Variants in GPC6 observed in about 807,000 individuals in gnomAD.
The protein encoded by GPC6 is glypican-6.
A neutral mutation model predicts 55.2 loss-of-function variants in GPC6; 14 were observed. The ratio of observed to expected loss-of-function variants is 0.25; its 90% CI spans 0.17 to 0.40. The LOEUF (loss-of-function observed/expected upper bound fraction) is 0.40, where lower values mean the gene tolerates loss of function less well. Among genes scored for constraint, GPC6 ranks in the 10% least tolerant of loss-of-function variants. GPC6 has a pLI of 1.00. For synonymous variants in GPC6, 278 were observed against 259.6 expected, an observed-to-expected ratio of 1.07 and a Z score of -0.68; for missense variants, 641 against 708.5, an observed-to-expected ratio of 0.90 and a Z score of 1.08.
intron 2 of GPC6, among the ~76,000 whole-genome samples, chr13:93,572,516 C>T (rs1255137314): frequency 6.6e-6 from 1 of 152,070 alleles, no homozygotes. Context: ...GGTATGACCC[C>T]GCAATCTGTG....
intron 1 of GPC6, among the ~76,000 whole-genome samples, chr13:93,323,463 TC>T (rs1490802218): frequency 1.3e-5 from 2 of 152,164 alleles, no homozygotes; most frequent in Non-Finnish European, 2.9e-5. Context: ...AACTTCCACC[TC>T]ATTTCTTCAT....
At chr13:93,592,871 A>G (rs1022606911) in intron 2 of GPC6, among the ~76,000 whole-genome samples, 4 of 151,960 alleles carry the variant, frequency 2.6e-5, no homozygotes, top group African/African-American at 9.7e-5. Context: ...CCTCCTACGA[A>G]ATGCTTATTA....
At chr13:93,386,096 G>A (rs200710045) in intron 1 of GPC6, among the ~76,000 whole-genome samples, 4 of 66,328 alleles carry the variant, frequency 6.0e-5, no homozygotes, top group Non-Finnish European at 1.1e-4. Context: ...TGACCACTTT[G>A]TTAAAAAAAA....
At chr13:93,822,017 CATATAT>C (rs770196171) in intron 2 of GPC6, among the ~76,000 whole-genome samples, 31 of 82,294 alleles carry the variant, frequency 3.8e-4, no homozygotes, top group Non-Finnish European at 3.9e-4. Flanking sequence ...TATGTATATA[CATATAT>C]ACATAATATG....
At chr13:93,333,972 T>A (rs1036051878) in intron 1 of GPC6, among the ~76,000 whole-genome samples, 5 of 152,226 alleles carry the variant, frequency 3.3e-5, no homozygotes, top group African/African-American at 1.2e-4. Context: ...TGTGTTTCTT[T>A]TCTAATACAT....
chr13:93,510,015 T>A (rs1352856287), intron 1 of GPC6, among the ~76,000 whole-genome samples: 4 of 152,200 alleles, frequency 2.6e-5, no homozygotes. Context: ...GGCATATTTT[T>A]GTTAATAAAC....
At chr13:93,503,494 C>T (rs1476347111) in intron 1 of GPC6, among the ~76,000 whole-genome samples, 5 of 152,116 alleles carry the variant, frequency 3.3e-5, no homozygotes, top group African/African-American at 1.2e-4. Context: ...GCTGGTGGGC[C>T]ACAGAAAACA....
At chr13:93,633,484 A>G (rs1251525077) in intron 2 of GPC6, among the ~76,000 whole-genome samples, 1 of 151,982 alleles carries the variant, frequency 6.6e-6, no homozygotes, top group African/African-American at 2.4e-5. Flanking sequence ...CGTCTCTACT[A>G]AAAATACAAA....
chr13:94,369,543 T>A (rs555259314), intron 6 of GPC6, among the ~76,000 whole-genome samples: 4 of 152,186 alleles, frequency 2.6e-5, no homozygotes, highest in Non-Finnish European at 5.9e-5. Context: ...TGTTGGAATG[T>A]GTTTATGAGG....
At chr13:94,103,107 A>G (rs568454513) in intron 4 of GPC6, among the ~76,000 whole-genome samples, 4 of 152,062 alleles carry the variant, frequency 2.6e-5, no homozygotes, top group African/African-American at 4.8e-5. Context: ...TCATTGTTCA[A>G]TTCCCACCTA....
At chr13:93,771,205 C>A (rs1885280259) in intron 2 of GPC6, among the ~76,000 whole-genome samples, 1 of 152,136 alleles carries the variant, frequency 6.6e-6, no homozygotes. Context: ...CATACAAGGT[C>A]ACAAAGTACA....
chr13:93,707,387 GT>G (rs533224839), intron 2 of GPC6, among the ~76,000 whole-genome samples: 4 of 150,518 alleles, frequency 2.7e-5, no homozygotes, highest in Non-Finnish European at 6.0e-5. Flanking sequence ...TTTTAAACAT[GT>G]TTTTTTTAAT....
intron 3 of GPC6, among the ~76,000 whole-genome samples, chr13:94,008,912 T>C (rs1029923934): frequency 6.6e-6 from 1 of 152,168 alleles, no homozygotes; most frequent in African/African-American, 2.4e-5. Context: ...TAATACAAAT[T>C]TATGCTTTGA....
intron 2 of GPC6, among the ~76,000 whole-genome samples, chr13:93,767,675 C>G (rs750260570): frequency 2.0e-5 from 3 of 152,122 alleles, no homozygotes; most frequent in Non-Finnish European, 4.4e-5. Context: ...ATTGGAAACA[C>G]TCTTGCACTG....
At chr13:93,631,299 GTGGCTCTAC>G (rs2139571746) in intron 2 of GPC6, among the ~76,000 whole-genome samples, 1 of 152,214 alleles carries the variant, frequency 6.6e-6, no homozygotes, top group African/African-American at 2.4e-5. Flanking sequence ...ATGAACTTCT[GTGGCTCTAC>G]CCCAGTGCAC....
chr13:94,151,772 G>C (rs1221872720), intron 4 of GPC6, among the ~76,000 whole-genome samples: 1 of 152,078 alleles, frequency 6.6e-6, no homozygotes, highest in African/African-American at 2.4e-5. Context: ...AACAACCTGA[G>C]TCTGTAGAGG....
At chr13:93,556,671 C>G (rs1875498988) in intron 2 of GPC6, among the ~76,000 whole-genome samples, 1 of 151,668 alleles carries the variant, frequency 6.6e-6, no homozygotes, top group African/African-American at 2.4e-5. Context: ...AACCTGTTAG[C>G]CAGCCCCACC....
chr13:94,330,973 G>C (rs1877382176), intron 6 of GPC6, among the ~76,000 whole-genome samples: 1 of 152,024 alleles, frequency 6.6e-6, no homozygotes, highest in Admixed American at 6.6e-5. Flanking sequence ...TCTGATCTCA[G>C]AAATTGGGCC....
intron 2 of GPC6, among the ~76,000 whole-genome samples, chr13:93,814,197 T>A (rs905776640): frequency 6.6e-6 from 1 of 152,182 alleles, no homozygotes; most frequent in Non-Finnish European, 1.5e-5. Flanking sequence ...TTATTCCTGG[T>A]CCTTCACTTC....
Sources: gnomAD v4.1 joint callset for allele counts (sites outside exome capture counted in the v4.1 genomes callset) on GRCh38, gnomAD v4.1.1 for gene constraint, MANE v1.5 for transcripts, NCBI Gene and HGNC (gene_info 2026-07-23, HGNC 2026-07-21) for gene names.